XPNPEP3: variants seen among roughly 807,000 people sequenced by gnomAD.
XPNPEP3 encodes X-prolyl aminopeptidase 3.
Under a neutral mutation model 60.0 loss-of-function variants are expected in XPNPEP3, and 41 were observed. The ratio of observed to expected loss-of-function variants is 0.68; its 90% CI spans 0.53 to 0.89. The LOEUF (loss-of-function observed/expected upper bound fraction) is 0.89. Ranked by LOEUF, XPNPEP3 falls within the 40% of genes least tolerant of loss-of-function variation. The pLI, the probability that XPNPEP3 is intolerant of heterozygous loss-of-function variation, is 0.00. For synonymous variants in XPNPEP3, 212 were observed against 223.2 expected, an observed-to-expected ratio of 0.95 and a Z score of 0.45; for missense variants, 598 against 638.9, an observed-to-expected ratio of 0.94 and a Z score of 0.69.
intron 1 of XPNPEP3, among the ~76,000 whole-genome samples, chr22:40,858,486 A>G (rs1286823420): frequency 6.7e-6 from 1 of 149,142 alleles, no homozygotes; most frequent in Non-Finnish European, 1.5e-5. Flanking sequence ...AGTGGCCAGC[A>G]CTAAGCGTTG....
At chr22:40,884,405 CT>C (rs1457433385) in intron 3 of XPNPEP3, among the ~76,000 whole-genome samples, 8 of 151,496 alleles carry the variant, frequency 5.3e-5, no homozygotes, top group African/African-American at 1.7e-4. Flanking sequence ...TCTCGGCTCA[CT>C]GCAACTCCTG....
At chr22:40,867,658 G>C (rs1428138882) in intron 1 of XPNPEP3, among the ~76,000 whole-genome samples, 1 of 151,916 alleles carries the variant, frequency 6.6e-6, no homozygotes, top group South Asian at 2.1e-4. Context: ...AGCTACTTGG[G>C]AGGCTGAGCC....
chr22:40,860,037 T>C (rs2187908), intron 1 of XPNPEP3: 4 of 152,166 alleles, frequency 2.6e-5, no homozygotes, highest in Non-Finnish European at 5.9e-5. Flanking sequence ...TGGTAAAATA[T>C]ACTACATAAA....
At chr22:40,861,482 G>T in intron 1 of XPNPEP3, 1 of 1,614,164 alleles carries the variant, frequency 6.2e-7, no homozygotes, top group Non-Finnish European at 8.5e-7. Context: ...CCAGGGAAGA[G>T]AAAGAAGTAA....
chr22:40,921,091 C>A (rs533673632), intron 7 of XPNPEP3, among the ~76,000 whole-genome samples: 46 of 152,088 alleles, frequency 3.0e-4, no homozygotes, highest in Non-Finnish European at 5.9e-4. Context: ...CGCGCCCAGC[C>A]CCTCATGCAG....
At chr22:40,879,739 G>C (rs2058040273) in intron 2 of XPNPEP3, among the ~76,000 whole-genome samples, 1 of 152,182 alleles carries the variant, frequency 6.6e-6, no homozygotes, top group Non-Finnish European at 1.5e-5. Flanking sequence ...CTATTCAAGA[G>C]GCTAAGGCAG....
intron 4 of XPNPEP3, among the ~76,000 whole-genome samples, chr22:40,890,867 CAATAAAGA>C (rs1351323739): frequency 1.3e-5 from 2 of 151,864 alleles, no homozygotes; most frequent in African/African-American, 2.4e-5. Flanking sequence ...GACCCTGTCT[CAATAAAGA>C]AATAAAGAAA....
chr22:40,924,125 G>A (rs2058226240), intron 8 of XPNPEP3, among the ~76,000 whole-genome samples: 1 of 152,116 alleles, frequency 6.6e-6, no homozygotes, highest in African/African-American at 2.4e-5. Context: ...CTGCATGTAT[G>A]TAGTATATTA....
At chr22:40,926,212 C>T in intron 9 of XPNPEP3, 57 bp from the exon 10 acceptor site, 1 of 1,607,142 alleles carries the variant, frequency 6.2e-7, no homozygotes, top group Non-Finnish European at 8.5e-7. Context: ...CTTACTTGCC[C>T]CAAACCACCC....
chr22:40,889,037 T>C (rs540723233), intron 4 of XPNPEP3, among the ~76,000 whole-genome samples: 9 of 152,242 alleles, frequency 5.9e-5, no homozygotes, highest in Non-Finnish European at 1.2e-4. Context: ...TTGTTTTGTT[T>C]TGTTTTTTCT....
chr22:40,864,371 A>C (rs1467818182), intron 1 of XPNPEP3, among the ~76,000 whole-genome samples: 1 of 152,166 alleles, frequency 6.6e-6, no homozygotes, highest in Non-Finnish European at 1.5e-5. Context: ...AGCTCACAGG[A>C]AGGTGACAGT....
chr22:40,880,103 T>A (rs894413457), intron 2 of XPNPEP3, among the ~76,000 whole-genome samples: 17 of 150,428 alleles, frequency 1.1e-4, no homozygotes, highest in African/African-American at 4.2e-4. Flanking sequence ...AATTCAAAGA[T>A]CTTTGACCAA....
chr22:40,916,430 G>T (rs904589765), intron 7 of XPNPEP3, among the ~76,000 whole-genome samples: 3 of 152,238 alleles, frequency 2.0e-5, no homozygotes, highest in Admixed American at 2.0e-4. Context: ...ATGAGAAATA[G>T]AAACAAAAAA....
chr22:40,907,985 G>A (rs547742408), intron 5 of XPNPEP3, among the ~76,000 whole-genome samples: 3 of 152,256 alleles, frequency 2.0e-5, no homozygotes, highest in South Asian at 2.1e-4. Context: ...AGGCCAAGGC[G>A]GGCAGATCAC....
rs35513572 is a variant in XPNPEP3 at position 40,868,428 on chromosome 22, CGTGT to C, written c.65-548_65-545del. Among the ~76,000 whole-genome samples the C allele has an allele frequency of 6.6e-4, 96 of 144,720 alleles. 1 individual carries two copies. Among genetic ancestry groups the C allele is most frequent in the East Asian group, 2.4e-3 (12 of 5,018 alleles). The allele number at this position is 144,720 out of a possible 152,430, so 94.9% of individuals were successfully genotyped here. The stretch of plus-strand genomic sequence containing the variant: ...TTCATACCTTTATTATATATGTGTG[CGTGT>C]GTGTGTGTGTGTGTGTGTGTGTATG... On this transcript the variant is annotated intron_variant, in intron 1 of 9. Coordinates refer to ENST00000357137, the MANE Select transcript of XPNPEP3 (RefSeq NM_022098.4).
At chr22:40,905,089 T>C (rs1163044141) in intron 4 of XPNPEP3, among the ~76,000 whole-genome samples, 1 of 148,362 alleles carries the variant, frequency 6.7e-6, no homozygotes, top group Non-Finnish European at 1.5e-5. Flanking sequence ...TTTTTTAATT[T>C]TTTTTTTGAG....
chr22:40,901,236 C>CTTTTTT (rs368089611), intron 4 of XPNPEP3, among the ~76,000 whole-genome samples: 127,573 of 131,748 alleles, frequency 0.97, 62,029 homozygotes, highest in South Asian at 0.98. Context: ...ATTTAAAGAA[C>CTTTTTT]TTTTTTTTTT....
At chr22:40,869,248 T>G (rs2057993909) in intron 2 of XPNPEP3, 133 bp downstream of exon 2, 1 of 740,206 alleles carries the variant, frequency 1.4e-6, no homozygotes, top group South Asian at 1.6e-5. Context: ...ATGGCCATTT[T>G]ACACTAATAA....
chr22:40,864,766 C>T (rs1449290254), intron 1 of XPNPEP3, among the ~76,000 whole-genome samples: 24 of 152,098 alleles, frequency 1.6e-4, no homozygotes, highest in Admixed American at 1.5e-3. Context: ...TTACTATAAC[C>T]TACCTGTTTT....
Sources: allele counts gnomAD v4.1 joint callset (sites outside exome capture counted in the v4.1 genomes callset), GRCh38; gene constraint gnomAD v4.1.1; transcripts MANE v1.5; gene names NCBI Gene and HGNC (gene_info 2026-07-23, HGNC 2026-07-21).